The following MYCBP2 variants were observed in gnomAD, a reference collection of about 807,000 sequenced individuals.
MYCBP2 encodes MYC binding protein 2, also known as E3 ubiquitin-protein ligase MYCBP2.
In MYCBP2, 120 loss-of-function variants were observed where a neutral mutation model predicts 525.3. The ratio of observed to expected loss-of-function variants is 0.23; its 90% CI spans 0.20 to 0.27. The LOEUF is 0.27. MYCBP2 is among the 10% of genes least tolerant of loss of function. The pLI is 1.00. For synonymous variants in MYCBP2, 1,894 were observed against 1,955.8 expected, an observed-to-expected ratio of 0.97 and a Z score of 0.83; for missense variants, 4,149 against 5,657.1, an observed-to-expected ratio of 0.73 and a Z score of 8.55.
chr13:77,101,599 T>C (rs2047078140), intron 55 of MYCBP2, among the ~76,000 whole-genome samples: 1 of 152,164 alleles, frequency 6.6e-6, no homozygotes. Flanking sequence ...TCTCTAATAG[T>C]GGTGAATATT....
chr13:77,162,218 A>G (rs1183919268), intron 43 of MYCBP2, among the ~76,000 whole-genome samples: 1 of 152,222 alleles, frequency 6.6e-6, no homozygotes, highest in Non-Finnish European at 1.5e-5. Flanking sequence ...ACATTTATGA[A>G]TATAAATGTA....
At position 77,194,183 on chromosome 13, in the gene MYCBP2, G is replaced by A; in HGVS notation, c.3905C>T (p.Thr1302Ile). The change falls in exon 27 of 83, where the codon ACT becomes ATT. Residue 1302 changes from threonine to isoleucine, a missense_variant. Physicochemically the swap from Thr to Ile is moderately conservative, Grantham distance 89. Transcript: ENST00000544440. ...AGCACAGTCATAAGCCAATACATCA[G>A]TCTCTGCAAGAAGGTCACCATCAGT... ...HETDGDLLAETDVLAYDCAAR... is the reference protein window; with the variant it reads ...HETDGDLLAEIDVLAYDCAAR... 1 of 1,613,254 alleles carries A rather than the reference G, an allele frequency of 6.2e-7. No homozygotes were observed.
intron 44 of MYCBP2, among the ~76,000 whole-genome samples, chr13:77,159,218 A>G (rs1436997855): frequency 6.6e-6 from 1 of 152,240 alleles, no homozygotes; most frequent in Non-Finnish European, 1.5e-5. Context: ...TGTAAAATGT[A>G]TAAACTGGTC....
intron 20 of MYCBP2, 32 bp downstream of exon 20, chr13:77,224,419 T>C (rs780086358): frequency 7.4e-7 from 1 of 1,360,334 alleles, no homozygotes; most frequent in Admixed American, 1.8e-5. Flanking sequence ...AAAAAATAAC[T>C]CTGGATCTTC....
chr13:77,086,144 C>A (rs996319856), intron 62 of MYCBP2, among the ~76,000 whole-genome samples: 12 of 152,028 alleles, frequency 7.9e-5, no homozygotes, highest in Non-Finnish European at 1.6e-4. Context: ...CATTGATACT[C>A]CATGGCCATT....
Position 77,088,932 on chromosome 13 carries a change from G to A in MYCBP2, c.10625C>T (p.Pro3542Leu). The part of the protein sequence containing the change: ...LSKGERNFQW[P>L]VLAFVIQHHD... ...ATGTTGTATAACAAAAGCTAAAACT[G>A]GCCACTGGAAATTTCGTTCTCCTTT... Residue 3542 changes from proline (P) to leucine (L), a missense_variant, in exon 61 of 83, where the codon CCA becomes CTA. Pro to Leu is a moderately conservative substitution (Grantham distance 98). Around this residue, in one of 21 missense-constraint regions of MYCBP2, gnomAD observed 509 missense variants for 789.4 expected, o/e 0.64. Transcript: ENST00000544440. 6.2e-7 allele frequency: 1 copy of A among 1,613,414 alleles called. No individual in the cohort carries two copies. The highest frequency in any genetic ancestry group is 8.5e-7 in the Non-Finnish European group (1 of 1,179,596).
intron 55 of MYCBP2, among the ~76,000 whole-genome samples, chr13:77,108,110 A>G (rs1464720554): frequency 6.6e-6 from 1 of 152,200 alleles, no homozygotes; most frequent in East Asian, 1.9e-4. Flanking sequence ...AGGATAAAAT[A>G]GAAACAAGCT....
chr13:77,307,141 C>A lies in MYCBP2; in HGVS notation c.303-10467G>T, dbSNP rs907469436. 4.6e-5 allele frequency among the ~76,000 whole-genome samples: 7 copies of A among 152,074 alleles called. No homozygotes were observed. The East Asian group carries it at 1.4e-3, about 29-fold the overall frequency. ...AACATAAAAAGGCTAAAAATATGTC[C>A]CTGAGACCTTTTCAAATCTGAAACT... On this transcript the variant is annotated intron_variant, in intron 1 of 82. Transcript: ENST00000544440.
At chr13:77,325,144 G>C (rs1373746696) in intron 1 of MYCBP2, among the ~76,000 whole-genome samples, 1 of 152,172 alleles carries the variant, frequency 6.6e-6, no homozygotes, top group East Asian at 1.9e-4. Context: ...TGTGAACAAA[G>C]CTCCAGCTTT....
chr13:77,233,693 G>A (rs1054128766), intron 17 of MYCBP2, among the ~76,000 whole-genome samples: 4 of 151,912 alleles, frequency 2.6e-5, no homozygotes, highest in Non-Finnish European at 4.4e-5. Flanking sequence ...TAACCATTAA[G>A]TTTTAACAAG....
chr13:77,174,918 ATTATAT>A (rs2059505915), intron 36 of MYCBP2, among the ~76,000 whole-genome samples: 1 of 114,314 alleles, frequency 8.7e-6, no homozygotes, highest in East Asian at 2.6e-4. Context: ...TATAATATAT[ATTATAT>A]ATATATAATA....
chr13:77,070,583 C>T, intron 69 of MYCBP2, 48 bp downstream of exon 69: 1 of 1,330,344 alleles, frequency 7.5e-7, no homozygotes, highest in Non-Finnish European at 1.1e-6. Flanking sequence ...AACACACACA[C>T]ACACACACAC....
intron 81 of MYCBP2, 73 bp from the exon 82 acceptor site, chr13:77,051,235 A>G: frequency 7.6e-7 from 1 of 1,323,184 alleles, no homozygotes; most frequent in Non-Finnish European, 1.0e-6. Context: ...ATAGGCATAT[A>G]CATAGACAGC....
intron 68 of MYCBP2, among the ~76,000 whole-genome samples, chr13:77,073,114 T>C (rs9600814): frequency 0.098 from 14,961 of 152,208 alleles, 979 homozygotes; most frequent in African/African-American, 0.18. Context: ...TTTTTATTAC[T>C]TCTAAAAGAA....
At chr13:77,243,767 G>A (rs2069329951) in intron 16 of MYCBP2, 39 bp downstream of exon 16, 1 of 1,570,260 alleles carries the variant, frequency 6.4e-7, no homozygotes, top group African/African-American at 1.4e-5. Context: ...CTGAGTTGAG[G>A]ACAACTCAGT....
At chr13:77,123,074 A>G (rs937416390) in intron 54 of MYCBP2, among the ~76,000 whole-genome samples, 3 of 152,220 alleles carry the variant, frequency 2.0e-5, no homozygotes, top group Non-Finnish European at 4.4e-5. Flanking sequence ...GAGAATTTTT[A>G]CAAAGAGGAA....
intron 18 of MYCBP2, among the ~76,000 whole-genome samples, chr13:77,230,542 A>C (rs554122422): frequency 6.6e-6 from 1 of 152,352 alleles, no homozygotes; most frequent in East Asian, 1.9e-4. Flanking sequence ...ATTATGAGAT[A>C]TCTTGGGGAT....
rs934533127 is a variant in MYCBP2 at position 77,288,143 on chromosome 13, T to G, written c.594+18A>C. On this transcript the variant is annotated intron_variant, in intron 3 of 82. Transcript: ENST00000544440. Reference sequence around the variant, plus strand: ...TGCAGGTTACACATCTAAATATTAATAGAACTCAGTGGCTTACCTTTGGAA... The same window carrying G: ...TGCAGGTTACACATCTAAATATTAAGAGAACTCAGTGGCTTACCTTTGGAA... The G allele has an allele frequency of 1.2e-6, 2 of 1,611,786 alleles. No homozygotes were observed. Among genetic ancestry groups the G allele is most frequent in the Non-Finnish European group, 1.7e-6 (2 of 1,178,812 alleles).
At chr13:77,056,877 C>A in intron 79 of MYCBP2, 109 bp downstream of exon 79, 1 of 748,566 alleles carries the variant, frequency 1.3e-6, no homozygotes, top group Non-Finnish European at 2.3e-6. Context: ...GAAGAAACTG[C>A]TAGGGGCTGG....
Sources: gnomAD v4.1 joint callset for allele counts (sites outside exome capture counted in the v4.1 genomes callset) on GRCh38, gnomAD v4.1.1 for gene constraint, gnomAD v4.1.1 regional missense constraint, MANE v1.5 for transcripts, NCBI Gene and HGNC (gene_info 2026-07-23, HGNC 2026-07-21) for gene names.